Variants in CDH13 observed in about 807,000 individuals in gnomAD.
The protein encoded by CDH13 is cadherin 13.
A neutral mutation model predicts 63.8 loss-of-function variants in CDH13; 24 were observed. The ratio of observed to expected loss-of-function variants is 0.38; its 90% CI spans 0.27 to 0.53. CDH13 has a LOEUF of 0.53. Ranked by LOEUF, CDH13 falls within the 20% of genes least tolerant of loss-of-function variation. The pLI, the probability that CDH13 is intolerant of heterozygous loss-of-function variation, is 0.85. For missense variants in CDH13, 1,049 were observed against 903.1 expected, an observed-to-expected ratio of 1.16 and a Z score of -2.07; for synonymous variants, 503 against 355.3, an observed-to-expected ratio of 1.42 and a Z score of -4.67.
intron 6 of CDH13, among the ~76,000 whole-genome samples, chr16:83,405,369 A>G (rs2092026747): frequency 6.6e-6 from 1 of 152,164 alleles, no homozygotes; most frequent in African/African-American, 2.4e-5. Flanking sequence ...CTTGATTTAA[A>G]GAAGTTAGTC....
chr16:83,117,331 C>A (rs897384286), intron 3 of CDH13, among the ~76,000 whole-genome samples: 3 of 152,176 alleles, frequency 2.0e-5, no homozygotes, highest in Non-Finnish European at 4.4e-5. Context: ...CCGCCATGCC[C>A]GGTAGGCTTC....
chr16:83,258,414 G>A (rs11649018), intron 5 of CDH13, among the ~76,000 whole-genome samples: 15,836 of 152,232 alleles, frequency 0.1, 1,145 homozygotes, highest in Non-Finnish European at 0.15. Context: ...ATCTAGTGAT[G>A]TTTAGCCAGC....
At chr16:83,731,346 T>A (rs1278981454) in intron 10 of CDH13, among the ~76,000 whole-genome samples, 1 of 152,192 alleles carries the variant, frequency 6.6e-6, no homozygotes, top group Non-Finnish European at 1.5e-5. Flanking sequence ...GACTTTTTAA[T>A]AATAGCTATT....
At chr16:83,155,658 T>G (rs2037177400) in intron 4 of CDH13, among the ~76,000 whole-genome samples, 1 of 152,126 alleles carries the variant, frequency 6.6e-6, no homozygotes, top group Non-Finnish European at 1.5e-5. Context: ...GGGGGCCTAT[T>G]GTGTACCCTG....
chr16:83,472,628 T>C (rs941621005), intron 6 of CDH13, among the ~76,000 whole-genome samples: 2 of 152,176 alleles, frequency 1.3e-5, no homozygotes, highest in Admixed American at 6.5e-5. Context: ...CTTTGGTCTC[T>C]CTTCTGCCAG....
intron 5 of CDH13, among the ~76,000 whole-genome samples, chr16:83,276,753 C>T (rs2089001964): frequency 6.6e-6 from 1 of 152,116 alleles, no homozygotes; most frequent in Admixed American, 6.5e-5. Context: ...CACCTGTAGC[C>T]ACAGCTACTC....
At chr16:82,780,730 A>G (rs2035716461) in intron 1 of CDH13, among the ~76,000 whole-genome samples, 1 of 152,266 alleles carries the variant, frequency 6.6e-6, no homozygotes, top group South Asian at 2.1e-4. Flanking sequence ...ATAAAACATA[A>G]CAGAGTGACT....
At chr16:82,686,596 C>T (rs1597322372) in intron 1 of CDH13, among the ~76,000 whole-genome samples, 1 of 152,202 alleles carries the variant, frequency 6.6e-6, no homozygotes, top group South Asian at 2.1e-4. Context: ...ATCACTCTGG[C>T]CTTCGGTTTT....
intron 10 of CDH13, among the ~76,000 whole-genome samples, chr16:83,697,729 C>T (rs1305556259): frequency 6.6e-6 from 1 of 152,210 alleles, no homozygotes; most frequent in Non-Finnish European, 1.5e-5. Context: ...CTCACTTCAA[C>T]CTCCACCTCC....
chr16:83,019,895 A>T (rs948518524), intron 2 of CDH13, among the ~76,000 whole-genome samples: 3 of 151,934 alleles, frequency 2.0e-5, no homozygotes, highest in Admixed American at 1.3e-4. Context: ...AACCAGTAGC[A>T]TAGTTGTTTA....
intron 7 of CDH13, among the ~76,000 whole-genome samples, chr16:83,592,968 G>A (rs1906904868): frequency 6.6e-6 from 1 of 152,184 alleles, no homozygotes; most frequent in African/African-American, 2.4e-5. Flanking sequence ...ATGAGGATGT[G>A]TAAGCGGTTC....
chr16:83,465,429 C>G (rs567878451), intron 6 of CDH13, among the ~76,000 whole-genome samples: 6 of 152,204 alleles, frequency 3.9e-5, no homozygotes, highest in African/African-American at 4.8e-5. Flanking sequence ...TTTTGAAGCA[C>G]TCTGTCCCCA....
intron 2 of CDH13, among the ~76,000 whole-genome samples, chr16:82,910,707 C>T (rs1265291330): frequency 6.6e-6 from 1 of 152,154 alleles, no homozygotes; most frequent in East Asian, 1.9e-4. Context: ...GGCCATGTGA[C>T]ATTGTTATTT....
intron 5 of CDH13, among the ~76,000 whole-genome samples, chr16:83,269,271 C>G (rs1168199327): frequency 6.6e-6 from 1 of 152,148 alleles, no homozygotes; most frequent in Non-Finnish European, 1.5e-5. Context: ...CCCCAGAACT[C>G]CTGGAGAGAC....
At chr16:82,818,074 A>G (rs555397695) in intron 1 of CDH13, among the ~76,000 whole-genome samples, 2 of 151,306 alleles carry the variant, frequency 1.3e-5, no homozygotes, top group South Asian at 2.1e-4. Flanking sequence ...CACAATGCAC[A>G]CATGTTTATA....
At chr16:83,319,205 C>T (rs2090169474) in intron 5 of CDH13, among the ~76,000 whole-genome samples, 1 of 152,072 alleles carries the variant, frequency 6.6e-6, no homozygotes, top group Non-Finnish European at 1.5e-5. Flanking sequence ...TATTGTGATG[C>T]TCATGTTTAC....
chr16:83,494,811 A>G (rs1448734563), intron 7 of CDH13, among the ~76,000 whole-genome samples: 1 of 152,184 alleles, frequency 6.6e-6, no homozygotes, highest in Non-Finnish European at 1.5e-5. Flanking sequence ...GAGGTATCTC[A>G]TTTGCTGTGC....
chr16:83,178,102 C>T (rs928955615), intron 4 of CDH13, among the ~76,000 whole-genome samples: 1 of 152,116 alleles, frequency 6.6e-6, no homozygotes. Context: ...TATCGGTCCA[C>T]TGAAAAGCCC....
At chr16:83,684,351 G>C (rs758166370) in intron 10 of CDH13, among the ~76,000 whole-genome samples, 2 of 151,894 alleles carry the variant, frequency 1.3e-5, no homozygotes, top group South Asian at 2.1e-4. Context: ...ACTCCAGTGT[G>C]AGCAATAAAG....
Sources: allele counts gnomAD v4.1 joint callset (sites outside exome capture counted in the v4.1 genomes callset), GRCh38; gene constraint gnomAD v4.1.1; transcripts MANE v1.5; gene names NCBI Gene and HGNC (gene_info 2026-07-23, HGNC 2026-07-21).